YAP1: variants seen among roughly 807,000 people sequenced by gnomAD.
YAP1 encodes Yes1 associated transcriptional regulator.
In YAP1, 5 loss-of-function variants were observed where a neutral mutation model predicts 56.9. That is an observed-to-expected ratio of 0.09 (90% CI 0.05 to 0.18). YAP1 has a LOEUF of 0.18. Among genes scored for constraint, YAP1 ranks in the 10% least tolerant of loss-of-function variants. The pLI is 1.00. For synonymous variants in YAP1, 265 were observed against 248.1 expected, an observed-to-expected ratio of 1.07 and a Z score of -0.64; for missense variants, 539 against 651.8, an observed-to-expected ratio of 0.83 and a Z score of 1.88.
chr11:102,136,056 T>C (rs1472227977), intron 2 of YAP1, among the ~76,000 whole-genome samples: 1 of 152,214 alleles, frequency 6.6e-6, no homozygotes, highest in African/African-American at 2.4e-5. Context: ...TAAGAACTTT[T>C]CTAGGCTGTG....
chr11:102,163,495 G>C (rs899717877), intron 3 of YAP1, among the ~76,000 whole-genome samples: 3 of 152,094 alleles, frequency 2.0e-5, no homozygotes, highest in African/African-American at 7.2e-5. Flanking sequence ...TCAGAGATTG[G>C]AGCATTTGGG....
chr11:102,145,834 C>G (rs892696176), intron 2 of YAP1, among the ~76,000 whole-genome samples: 2 of 152,184 alleles, frequency 1.3e-5, no homozygotes, highest in African/African-American at 4.8e-5. Context: ...TTTCCTTACT[C>G]CTTTGCTCAC....
chr11:102,156,378 A>G (rs1335048996), intron 2 of YAP1, among the ~76,000 whole-genome samples: 1 of 152,220 alleles, frequency 6.6e-6, no homozygotes, highest in Non-Finnish European at 1.5e-5. Context: ...AAAAATACCC[A>G]GGTGCTAATA....
At chr11:102,211,246 C>A (rs1237429254) in intron 6 of YAP1, among the ~76,000 whole-genome samples, 1 of 152,214 alleles carries the variant, frequency 6.6e-6, no homozygotes, top group South Asian at 2.1e-4. Context: ...TCTTCTTGAT[C>A]TTTGTTTCAT....
At chr11:102,130,720 C>CTT (rs61175592) in intron 2 of YAP1, among the ~76,000 whole-genome samples, 42,457 of 97,382 alleles carry the variant, frequency 0.44, 10,713 homozygotes, top group South Asian at 0.59. Context: ...GATAACTACT[C>CTT]TTTTTTTTTT....
intron 3 of YAP1, among the ~76,000 whole-genome samples, chr11:102,184,260 T>C (rs1032565916): frequency 3.3e-5 from 5 of 152,192 alleles, no homozygotes; most frequent in Admixed American, 2.6e-4. Context: ...AATTCAGCCA[T>C]TTTACAGTTA....
intron 2 of YAP1, among the ~76,000 whole-genome samples, chr11:102,127,494 G>A (rs1250084643): frequency 7.6e-6 from 1 of 131,264 alleles, no homozygotes; most frequent in African/African-American, 3.2e-5. Flanking sequence ...CAGAAGTCAA[G>A]AATTCAGGTT....
intron 2 of YAP1, among the ~76,000 whole-genome samples, chr11:102,154,707 TTTA>T (rs1394785409): frequency 6.6e-6 from 1 of 152,192 alleles, no homozygotes; most frequent in Non-Finnish European, 1.5e-5. Flanking sequence ...TATTCACTAA[TTTA>T]TTATTATCAC....
At chr11:102,156,060 C>T (rs1945923416) in intron 2 of YAP1, among the ~76,000 whole-genome samples, 2 of 152,048 alleles carry the variant, frequency 1.3e-5, no homozygotes, top group African/African-American at 4.8e-5. Flanking sequence ...TTATTCTGTG[C>T]CTAGACTGAC....
At chr11:102,192,568 A>G (rs989238135) in intron 4 of YAP1, among the ~76,000 whole-genome samples, 8 of 152,248 alleles carry the variant, frequency 5.3e-5, no homozygotes, top group African/African-American at 1.4e-4. Flanking sequence ...AAGTTCTGCT[A>G]TCACAATATA....
At chr11:102,203,742 G>A (rs892442789) in intron 4 of YAP1, among the ~76,000 whole-genome samples, 1 of 152,140 alleles carries the variant, frequency 6.6e-6, no homozygotes, top group East Asian at 1.9e-4. Context: ...TGAATTAAAT[G>A]TAAGTCACCA....
At chr11:102,201,314 CAAA>C (rs1422863021) in intron 4 of YAP1, among the ~76,000 whole-genome samples, 10 of 151,966 alleles carry the variant, frequency 6.6e-5, no homozygotes, top group African/African-American at 1.7e-4. Flanking sequence ...TACCATATAT[CAAA>C]GAAGAAGGGA....
chr11:102,152,575 G>T (rs994825120), intron 2 of YAP1, among the ~76,000 whole-genome samples: 1 of 152,184 alleles, frequency 6.6e-6, no homozygotes, highest in Non-Finnish European at 1.5e-5. Context: ...AGTTGGTCAG[G>T]TGGTCTCCAA....
intron 1 of YAP1, chr11:102,112,729 A>G: frequency 1.0e-6 from 1 of 985,236 alleles, no homozygotes; most frequent in Non-Finnish European, 1.2e-6. Flanking sequence ...TTGCCTAAAC[A>G]CTTCAATTTG....
chr11:102,114,126 C>G lies in YAP1; in HGVS notation c.322-18C>G. On this transcript the variant is annotated intron_variant, in intron 1 of 8. Transcript: ENST00000282441. ...TGTTTTTTCTTTTTTAATTTTTCAT[C>G]TTAATATTCCCTAATAGGCCAGTAC... The G allele has an allele frequency of 2.6e-6, 4 of 1,553,506 alleles. No homozygotes were observed. Among genetic ancestry groups the G allele is most frequent in the Non-Finnish European group, 2.6e-6 (3 of 1,143,398 alleles).
intron 2 of YAP1, among the ~76,000 whole-genome samples, chr11:102,146,793 C>T (rs190470721): frequency 1.3e-5 from 2 of 152,296 alleles, no homozygotes; most frequent in Admixed American, 1.3e-4. Context: ...GCTTGCCTTG[C>T]TTCTGGAACT....
At chr11:102,157,106 G>A (rs1358745219) in intron 2 of YAP1, among the ~76,000 whole-genome samples, 1 of 152,136 alleles carries the variant, frequency 6.6e-6, no homozygotes, top group East Asian at 1.9e-4. Context: ...AGCCTTCAGT[G>A]ATAGCTTAAT....
intron 2 of YAP1, among the ~76,000 whole-genome samples, chr11:102,115,175 A>G (rs1416615929): frequency 6.6e-6 from 1 of 152,244 alleles, no homozygotes; most frequent in East Asian, 1.9e-4. Context: ...GAAATTACAG[A>G]TAAGACCTCA....
At chr11:102,218,565 C>T (rs1949770877) in intron 6 of YAP1, among the ~76,000 whole-genome samples, 1 of 152,104 alleles carries the variant, frequency 6.6e-6, no homozygotes, top group Non-Finnish European at 1.5e-5. Flanking sequence ...CAAATTCTTC[C>T]CTATTTGATT....
Sources: gnomAD v4.1 joint callset for allele counts (sites outside exome capture counted in the v4.1 genomes callset) on GRCh38, gnomAD v4.1.1 for gene constraint, MANE v1.5 for transcripts, NCBI Gene and HGNC (gene_info 2026-07-23, HGNC 2026-07-21) for gene names.